Variants in MARK3 observed in about 807,000 individuals in gnomAD.
MARK3 encodes microtubule affinity regulating kinase 3.
A neutral mutation model predicts 90.1 loss-of-function variants in MARK3; 46 were observed. The ratio of observed to expected loss-of-function variants is 0.51; its 90% CI spans 0.40 to 0.65. The LOEUF is 0.65. MARK3 is among the 30% of genes least tolerant of loss of function. The pLI is 0.00. For missense variants in MARK3, 818 were observed against 947.2 expected (o/e 0.86, Z 1.79); for synonymous variants, 321 against 332.6 (o/e 0.97, Z 0.38).
chr14:103,486,532 C>T (rs548270294), intron 14 of MARK3, among the ~76,000 whole-genome samples: 28 of 152,216 alleles, frequency 1.8e-4, no homozygotes, highest in African/African-American at 6.5e-4. Flanking sequence ...AAATGTAATG[C>T]TGCTACTGTT....
intron 5 of MARK3, among the ~76,000 whole-genome samples, chr14:103,455,882 AT>A (rs933329321): frequency 6.6e-6 from 1 of 152,164 alleles, no homozygotes; most frequent in Non-Finnish European, 1.5e-5. Context: ...GTATCAAAAT[AT>A]TTTAGTTTAA....
chr14:103,445,719 C>G (rs758972188), intron 3 of MARK3, among the ~76,000 whole-genome samples: 8 of 152,216 alleles, frequency 5.3e-5, no homozygotes, highest in Non-Finnish European at 1.2e-4. Context: ...AAAGCCAAAT[C>G]TTTTGAATTC....
chr14:103,474,867 G>A, intron 12 of MARK3, 126 bp from the exon 13 acceptor site: 1 of 675,198 alleles, frequency 1.5e-6, no homozygotes, highest in Non-Finnish European at 2.5e-6. Flanking sequence ...CATCTTAGAG[G>A]ATTTTACTGT....
chr14:103,491,686 C>G, intron 14 of MARK3, 91 bp from the exon 15 acceptor site: 2 of 1,404,072 alleles, frequency 1.4e-6, no homozygotes, highest in Non-Finnish European at 1.9e-6. Context: ...TTTTTTATAC[C>G]CGATTTTCTC....
chr14:103,474,756 C>A (rs546298043), intron 12 of MARK3, among the ~76,000 whole-genome samples: 1 of 150,912 alleles, frequency 6.6e-6, no homozygotes, highest in South Asian at 2.1e-4. Flanking sequence ...ACTCTAAACT[C>A]TTACTATTAA....
chr14:103,480,285 T>A, intron 13 of MARK3, 102 bp from the exon 14 acceptor site: 1 of 738,520 alleles, frequency 1.4e-6, no homozygotes, highest in Non-Finnish European at 2.3e-6. Context: ...AAAAAACAAG[T>A]AAATAAAAGA....
At chr14:103,451,754 G>A (rs1438631800) in intron 4 of MARK3, among the ~76,000 whole-genome samples, 164 bp from the exon 5 acceptor site, 2 of 152,160 alleles carry the variant, frequency 1.3e-5, no homozygotes, top group Non-Finnish European at 2.9e-5. Context: ...CTTTTCTGTT[G>A]TTGTGGTATT....
intron 15 of MARK3, 115 bp downstream of exon 15, chr14:103,492,149 A>C: frequency 1.9e-5 from 23 of 1,220,132 alleles, no homozygotes; most frequent in Non-Finnish European, 2.6e-5. Flanking sequence ...CCTTCAGCTC[A>C]TGGTTTTCTG....
intron 2 of MARK3, among the ~76,000 whole-genome samples, chr14:103,415,743 T>C (rs1345271943): frequency 3.3e-5 from 5 of 152,238 alleles, no homozygotes; most frequent in African/African-American, 1.2e-4. Context: ...TGTTTAAAAA[T>C]TATTTTCCTA....
intron 3 of MARK3, among the ~76,000 whole-genome samples, chr14:103,442,999 A>G (rs760386484): frequency 6.6e-6 from 1 of 150,600 alleles, no homozygotes; most frequent in African/African-American, 2.5e-5. Context: ...TAGATAAGCT[A>G]CTAAGTGCTG....
At chr14:103,473,790 C>G (rs2093669183) in intron 12 of MARK3, among the ~76,000 whole-genome samples, 1 of 152,112 alleles carries the variant, frequency 6.6e-6, no homozygotes, top group African/African-American at 2.4e-5. Flanking sequence ...GCCTCAAACT[C>G]TTGAGCTGAA....
intron 5 of MARK3, among the ~76,000 whole-genome samples, chr14:103,454,527 G>A (rs2141383141): frequency 6.6e-6 from 1 of 152,270 alleles, no homozygotes; most frequent in African/African-American, 2.4e-5. Context: ...TGGGATTATA[G>A]GTGTGAGCCA....
intron 15 of MARK3, 145 bp from the exon 16 acceptor site, chr14:103,498,357 A>C: frequency 2.1e-6 from 1 of 486,320 alleles, no homozygotes; most frequent in South Asian, 3.4e-5. Context: ...TTTTTCAACA[A>C]ATGTCAGCAT....
intron 14 of MARK3, 145 bp from the exon 15 acceptor site, chr14:103,491,632 T>G: frequency 1.3e-6 from 1 of 760,100 alleles, no homozygotes; most frequent in Non-Finnish European, 2.1e-6. Flanking sequence ...CCACTTAACT[T>G]ACCTTTTGCT....
At chr14:103,437,703 A>T (rs1392462227) in intron 3 of MARK3, among the ~76,000 whole-genome samples, 1 of 152,218 alleles carries the variant, frequency 6.6e-6, no homozygotes, top group Non-Finnish European at 1.5e-5. Flanking sequence ...ATTTGCAGAA[A>T]ATATAAACTT....
chr14:103,444,533 C>T (rs2092944538), intron 3 of MARK3, among the ~76,000 whole-genome samples: 1 of 152,198 alleles, frequency 6.6e-6, no homozygotes, highest in African/African-American at 2.4e-5. Context: ...AATCCCAGCA[C>T]TTTGGGAGGC....
intron 2 of MARK3, among the ~76,000 whole-genome samples, chr14:103,413,086 C>G (rs2091754020): frequency 6.6e-6 from 1 of 151,914 alleles, no homozygotes; most frequent in Admixed American, 6.6e-5. Context: ...GTTGGTCAGA[C>G]TGGTCTCAAA....
intron 2 of MARK3, among the ~76,000 whole-genome samples, chr14:103,409,646 T>C (rs2091519626): frequency 6.6e-6 from 1 of 152,110 alleles, no homozygotes; most frequent in Non-Finnish European, 1.5e-5. Flanking sequence ...TTCCCAGAGT[T>C]TTTTATATAG....
chr14:103,467,919 C>G, intron 11 of MARK3, 114 bp from the exon 12 acceptor site: 3 of 1,020,488 alleles, frequency 2.9e-6, no homozygotes, highest in Non-Finnish European at 4.2e-6. Flanking sequence ...TGTGATTCCT[C>G]CTCTCTCTGA....
Sources: allele counts gnomAD v4.1 joint callset (sites outside exome capture counted in the v4.1 genomes callset), GRCh38; gene constraint gnomAD v4.1.1; transcripts MANE v1.5; gene names NCBI Gene and HGNC (gene_info 2026-07-23, HGNC 2026-07-21).